KCNIP4: variants seen among roughly 807,000 people sequenced by gnomAD.
KCNIP4 encodes the protein potassium voltage-gated channel interacting protein 4.
Under a neutral mutation model 34.0 loss-of-function variants are expected in KCNIP4, and 12 were observed. That is an observed-to-expected ratio of 0.35 (90% CI 0.23 to 0.57). The LOEUF (loss-of-function observed/expected upper bound fraction) is 0.57, where lower values mean the gene tolerates loss of function less well. Among genes scored for constraint, KCNIP4 ranks in the 20% least tolerant of loss-of-function variants. The probability of loss-of-function intolerance (pLI) is 0.83; values close to 1 mark genes in which losing one functional copy is unlikely to be tolerated. For synonymous variants in KCNIP4, 124 were observed against 102.2 expected (o/e 1.21, Z -1.29); for missense variants, 238 against 311.7 (o/e 0.76, Z 1.78).
chr4:21,321,908 G>A (rs994084910), intron 1 of KCNIP4, among the ~76,000 whole-genome samples: 4 of 139,794 alleles, frequency 2.9e-5, no homozygotes, highest in Non-Finnish European at 6.2e-5. Flanking sequence ...AGGGACAGAG[G>A]GAAGGAAGGA....
At chr4:21,743,293 T>A (rs1716542998) in intron 1 of KCNIP4, among the ~76,000 whole-genome samples, 1 of 152,162 alleles carries the variant, frequency 6.6e-6, no homozygotes, top group African/African-American at 2.4e-5. Context: ...TTTCCCAGCC[T>A]CTAGAGGCCA....
At chr4:21,505,850 C>T (rs1173498459) in intron 1 of KCNIP4, among the ~76,000 whole-genome samples, 1 of 152,130 alleles carries the variant, frequency 6.6e-6, no homozygotes, top group East Asian at 1.9e-4. Context: ...TGCCTGTAAT[C>T]CCAGCACTTT....
At chr4:20,734,293 G>C (rs1172956787) in intron 6 of KCNIP4, among the ~76,000 whole-genome samples, 2 of 152,070 alleles carry the variant, frequency 1.3e-5, no homozygotes, top group Non-Finnish European at 2.9e-5. Flanking sequence ...ACATGCTGTG[G>C]GGAAAAGAAA....
chr4:21,774,123 C>A (rs1245303461), intron 1 of KCNIP4, among the ~76,000 whole-genome samples: 1 of 152,018 alleles, frequency 6.6e-6, no homozygotes, highest in East Asian at 1.9e-4. Context: ...TCAAGCAGAG[C>A]AGGCCTGGTG....
At chr4:21,339,612 T>C (rs184577844) in intron 1 of KCNIP4, among the ~76,000 whole-genome samples, 1 of 152,064 alleles carries the variant, frequency 6.6e-6, no homozygotes, top group African/African-American at 2.4e-5. Context: ...GTGGGAAAAT[T>C]AGGAAGACAT....
At chr4:21,563,451 T>C (rs1739614886) in intron 1 of KCNIP4, among the ~76,000 whole-genome samples, 1 of 152,092 alleles carries the variant, frequency 6.6e-6, no homozygotes, top group Non-Finnish European at 1.5e-5. Context: ...AAATTGGGAA[T>C]TGCATTACTT....
chr4:21,021,127 T>C (rs1739998331), intron 1 of KCNIP4, among the ~76,000 whole-genome samples: 1 of 152,230 alleles, frequency 6.6e-6, no homozygotes, highest in Non-Finnish European at 1.5e-5. Context: ...CATGTTACTG[T>C]ATTGAATACT....
intron 1 of KCNIP4, among the ~76,000 whole-genome samples, chr4:21,614,604 TATTAA>T (rs985217675): frequency 9.4e-5 from 14 of 148,712 alleles, no homozygotes; most frequent in Admixed American, 3.4e-4. Context: ...ATTAAAATTA[TATTAA>T]ATTAAAATTA....
intron 1 of KCNIP4, among the ~76,000 whole-genome samples, chr4:21,773,755 T>TTTTTGTTTG (rs377403469): frequency 0.1 from 13,738 of 137,882 alleles, 732 homozygotes; most frequent in Middle Eastern, 0.18. Context: ...GTTTTTTTTT[T>TTTTTGTTTG]TTTGTTTGTT....
At chr4:21,097,839 T>A (rs1747595303) in intron 1 of KCNIP4, among the ~76,000 whole-genome samples, 1 of 152,130 alleles carries the variant, frequency 6.6e-6, no homozygotes, top group Non-Finnish European at 1.5e-5. Flanking sequence ...TTAGTTTAAA[T>A]CAAATGCTAG....
At chr4:21,788,024 A>G (rs1720024163) in intron 1 of KCNIP4, among the ~76,000 whole-genome samples, 1 of 152,132 alleles carries the variant, frequency 6.6e-6, no homozygotes, top group African/African-American at 2.4e-5. Context: ...AGGCCGCTTG[A>G]TACATTTCCC....
chr4:21,371,540 A>C (rs1420757099), intron 1 of KCNIP4, among the ~76,000 whole-genome samples: 1 of 146,978 alleles, frequency 6.8e-6, no homozygotes, highest in Non-Finnish European at 1.5e-5. Flanking sequence ...ATCACTTGAT[A>C]TAATAAAGAT....
intron 5 of KCNIP4, among the ~76,000 whole-genome samples, chr4:20,744,592 G>A (rs1751987244): frequency 1.3e-5 from 2 of 151,098 alleles, no homozygotes; most frequent in Non-Finnish European, 1.5e-5. Flanking sequence ...ATAGGATGGA[G>A]AACATCACAC....
intron 1 of KCNIP4, among the ~76,000 whole-genome samples, chr4:21,468,047 G>A (rs559112891): frequency 6.6e-6 from 1 of 152,102 alleles, no homozygotes; most frequent in Non-Finnish European, 1.5e-5. Context: ...AACCCTTAGG[G>A]CAAATGGATC....
At chr4:21,184,205 C>T (rs1217858759) in intron 1 of KCNIP4, among the ~76,000 whole-genome samples, 1 of 152,012 alleles carries the variant, frequency 6.6e-6, no homozygotes, top group Non-Finnish European at 1.5e-5. Context: ...ATAGTACCTG[C>T]CTCATAGGAT....
At chr4:21,648,921 C>T (rs1459158251) in intron 1 of KCNIP4, among the ~76,000 whole-genome samples, 1 of 152,090 alleles carries the variant, frequency 6.6e-6, no homozygotes, top group African/African-American at 2.4e-5. Flanking sequence ...ACTCCTGTCC[C>T]TCCTGTTTGA....
At chr4:21,604,140 T>C (rs950328462) in intron 1 of KCNIP4, among the ~76,000 whole-genome samples, 3 of 152,168 alleles carry the variant, frequency 2.0e-5, no homozygotes, top group Non-Finnish European at 2.9e-5. Flanking sequence ...AATATATTAA[T>C]TTTTGAATAA....
intron 1 of KCNIP4, among the ~76,000 whole-genome samples, chr4:21,317,453 A>G (rs1443336364): frequency 6.6e-6 from 1 of 152,192 alleles, no homozygotes; most frequent in Non-Finnish European, 1.5e-5. Context: ...ATGAGCAAAT[A>G]TCTATTTAAA....
chr4:21,925,113 T>C (rs1213847998), intron 1 of KCNIP4, among the ~76,000 whole-genome samples: 1 of 152,140 alleles, frequency 6.6e-6, no homozygotes, highest in Non-Finnish European at 1.5e-5. Context: ...CTTTAAGTTT[T>C]AGGGTACATG....
Sources: gnomAD v4.1 joint callset for allele counts (sites outside exome capture counted in the v4.1 genomes callset) on GRCh38, gnomAD v4.1.1 for gene constraint, MANE v1.5 for transcripts, NCBI Gene and HGNC (gene_info 2026-07-23, HGNC 2026-07-21) for gene names.